SPAG16: variants seen among roughly 807,000 people sequenced by gnomAD.
The protein encoded by SPAG16 is sperm-associated antigen 16 protein.
Under a neutral mutation model 80.4 loss-of-function variants are expected in SPAG16, and 86 were observed. That is an observed-to-expected ratio of 1.07 (90% CI 0.90 to 1.28). The LOEUF (loss-of-function observed/expected upper bound fraction) is 1.28, where lower values mean the gene tolerates loss of function less well. SPAG16 is among the 50% of genes most tolerant of loss of function. The pLI is 0.00. For synonymous variants in SPAG16, 294 were observed against 265.9 expected, an observed-to-expected ratio of 1.11 and a Z score of -1.03; for missense variants, 870 against 765.3, an observed-to-expected ratio of 1.14 and a Z score of -1.61.
intron 13 of SPAG16, among the ~76,000 whole-genome samples, chr2:214,065,191 G>C (rs552423922): frequency 6.6e-6 from 1 of 152,064 alleles, no homozygotes; most frequent in African/African-American, 2.4e-5. Flanking sequence ...ATTATTGTTA[G>C]TTTCATTCTA....
At chr2:214,304,799 C>T (rs1694801344) in intron 15 of SPAG16, among the ~76,000 whole-genome samples, 3 of 152,132 alleles carry the variant, frequency 2.0e-5, no homozygotes, top group Non-Finnish European at 4.4e-5. Flanking sequence ...TAGGTTGATG[C>T]CATGTCTTTG....
chr2:213,798,945 C>T (rs2071209427), intron 10 of SPAG16, among the ~76,000 whole-genome samples: 1 of 152,146 alleles, frequency 6.6e-6, no homozygotes, highest in Non-Finnish European at 1.5e-5. Context: ...ACATGTCTGT[C>T]ATCATGCCAG....
chr2:214,335,560 G>A (rs1328903554), intron 15 of SPAG16, among the ~76,000 whole-genome samples: 1 of 151,532 alleles, frequency 6.6e-6, no homozygotes, highest in Non-Finnish European at 1.5e-5. Flanking sequence ...ATGCTGATGT[G>A]CTGACGATGC....
chr2:213,347,958 G>A lies in SPAG16; in HGVS notation c.645-2570G>A, dbSNP rs567399921. ...GATATCCTTGTTAACTTTCTGTCTC[G>A]TTGATCTGTCTAATGTTGACAGTGG... On this transcript the variant is annotated intron_variant, in intron 6 of 15. Transcript: ENST00000331683. Among the ~76,000 whole-genome samples, 50 of 152,210 alleles carry A rather than the reference G, an allele frequency of 3.3e-4. 1 individual carries two copies. The highest frequency in any genetic ancestry group is 1.5e-3 in the East Asian group (8 of 5,174).
At chr2:214,318,563 A>T (rs1345511361) in intron 15 of SPAG16, among the ~76,000 whole-genome samples, 1 of 151,544 alleles carries the variant, frequency 6.6e-6, no homozygotes, top group Admixed American at 6.6e-5. Flanking sequence ...TTGTAGAGAG[A>T]TGGGGTCTCA....
intron 13 of SPAG16, among the ~76,000 whole-genome samples, chr2:214,046,734 G>A (rs931649734): frequency 1.6e-4 from 25 of 152,064 alleles, no homozygotes; most frequent in African/African-American, 5.8e-4. Context: ...AAATTGGAAA[G>A]GAAGAAGTTA....
intron 10 of SPAG16, among the ~76,000 whole-genome samples, chr2:213,586,180 A>G (rs984917416): frequency 2.0e-5 from 3 of 152,212 alleles, no homozygotes; most frequent in Non-Finnish European, 4.4e-5. Context: ...TACCTTTTCA[A>G]TCATTTCTAT....
intron 15 of SPAG16, among the ~76,000 whole-genome samples, chr2:214,243,085 G>A (rs1030869054): frequency 6.6e-6 from 1 of 152,094 alleles, no homozygotes; most frequent in Non-Finnish European, 1.5e-5. Flanking sequence ...TATAGAAGTG[G>A]TAACTAAGTG....
intron 15 of SPAG16, among the ~76,000 whole-genome samples, chr2:214,153,609 A>T (rs746219394): frequency 2.0e-4 from 30 of 152,182 alleles, no homozygotes; most frequent in South Asian, 1.0e-3. Flanking sequence ...GAGAAATTAA[A>T]CATATTGGTG....
At chr2:213,559,644 A>G (rs1171564691) in intron 10 of SPAG16, among the ~76,000 whole-genome samples, 1 of 152,182 alleles carries the variant, frequency 6.6e-6, no homozygotes, top group Non-Finnish European at 1.5e-5. Context: ...TAAGAAATGT[A>G]TAACATGGCT....
At chr2:213,511,067 T>C (rs1267274627) in intron 10 of SPAG16, among the ~76,000 whole-genome samples, 1 of 152,148 alleles carries the variant, frequency 6.6e-6, no homozygotes, top group African/African-American at 2.4e-5. Flanking sequence ...TAAATGGCAT[T>C]TGGGTATATG....
intron 9 of SPAG16, among the ~76,000 whole-genome samples, chr2:213,455,714 C>A (rs1119235): frequency 0.032 from 4,846 of 152,260 alleles, 118 homozygotes; most frequent in African/African-American, 0.057. Flanking sequence ...GGTTTGCGCT[C>A]CTGTGATAAT....
chr2:213,458,410 TA>T (rs869226574), intron 9 of SPAG16, among the ~76,000 whole-genome samples: 235 of 143,026 alleles, frequency 1.6e-3, no homozygotes, highest in East Asian at 7.1e-3. Context: ...TACTAAAAAT[TA>T]AAAAAAAAAA....
At chr2:213,366,433 G>T (rs2066294221) in intron 8 of SPAG16, among the ~76,000 whole-genome samples, 1 of 152,130 alleles carries the variant, frequency 6.6e-6, no homozygotes, top group African/African-American at 2.4e-5. Flanking sequence ...AGAAAAAGAG[G>T]TATAATGGAC....
intron 13 of SPAG16, among the ~76,000 whole-genome samples, chr2:214,023,198 C>A (rs1205920270): frequency 2.0e-5 from 3 of 151,842 alleles, no homozygotes; most frequent in Non-Finnish European, 2.9e-5. Flanking sequence ...CAAGTAACTT[C>A]TCTCACTTCA....
At chr2:213,775,141 G>C (rs906101093) in intron 10 of SPAG16, among the ~76,000 whole-genome samples, 8 of 152,186 alleles carry the variant, frequency 5.3e-5, no homozygotes, top group African/African-American at 1.4e-4. Flanking sequence ...AAAGACGAAA[G>C]CATCCTGAGT....
intron 15 of SPAG16, among the ~76,000 whole-genome samples, chr2:214,170,231 C>T (rs202200171): frequency 0.046 from 6,232 of 136,844 alleles, 242 homozygotes; most frequent in Non-Finnish European, 0.069. Flanking sequence ...TATACGTATA[C>T]ACACACACTT....
rs142186588 is a variant in SPAG16 at position 214,051,355 on chromosome 2, A to C, written c.1527+37278A>C. 2.2e-3 allele frequency among the ~76,000 whole-genome samples: 332 copies of C among 152,350 alleles called. 11 individuals carry two copies. In the East Asian group the frequency reaches 0.053, roughly 24 times the overall value. The stretch of plus-strand genomic sequence containing the variant: ...AGAAGACCAAAAGGAATTGCCAAGA[A>C]AAGCTTTTACTAATGCTTCACATTA... On this transcript the variant is annotated intron_variant, in intron 13 of 15. Coordinates refer to ENST00000331683, the MANE Select transcript of SPAG16 (RefSeq NM_024532.5).
chr2:213,294,457 C>T (rs1043857969), intron 1 of SPAG16, among the ~76,000 whole-genome samples: 4 of 152,114 alleles, frequency 2.6e-5, no homozygotes, highest in African/African-American at 9.7e-5. Context: ...GTATTTTACT[C>T]CTTGTAGTAT....
Sources: allele counts gnomAD v4.1 joint callset (sites outside exome capture counted in the v4.1 genomes callset), GRCh38; gene constraint gnomAD v4.1.1; transcripts MANE v1.5; gene names NCBI Gene and HGNC (gene_info 2026-07-23, HGNC 2026-07-21).